The following ERBB4 variants were observed in gnomAD, a reference collection of about 807,000 sequenced individuals.
ERBB4 encodes receptor tyrosine-protein kinase erbB-4.
A neutral mutation model predicts 158.0 loss-of-function variants in ERBB4; 42 were observed. The ratio of observed to expected loss-of-function variants is 0.27; its 90% CI spans 0.21 to 0.34. The LOEUF (loss-of-function observed/expected upper bound fraction) is 0.34, where lower values mean the gene tolerates loss of function less well. Ranked by LOEUF, ERBB4 falls within the 10% of genes least tolerant of loss-of-function variation. The pLI is 1.00. For missense variants in ERBB4, 1,333 were observed against 1,624.1 expected, an observed-to-expected ratio of 0.82 and a Z score of 3.08; for synonymous variants, 583 against 558.7, an observed-to-expected ratio of 1.04 and a Z score of -0.61.
intron 1 of ERBB4, among the ~76,000 whole-genome samples, chr2:212,507,855 T>C (rs1321572412): frequency 3.3e-5 from 5 of 152,186 alleles, no homozygotes; most frequent in Admixed American, 2.0e-4. Flanking sequence ...AGCAGCAGGG[T>C]TTGAAATAAT....
chr2:212,165,968 C>A (rs1421731107), intron 1 of ERBB4, among the ~76,000 whole-genome samples: 1 of 151,926 alleles, frequency 6.6e-6, no homozygotes, highest in East Asian at 1.9e-4. Context: ...TATGTTACAA[C>A]AATATGTACT....
chr2:212,531,851 A>G (rs1389001815), intron 1 of ERBB4, among the ~76,000 whole-genome samples: 5 of 152,190 alleles, frequency 3.3e-5, no homozygotes, highest in Non-Finnish European at 7.3e-5. Flanking sequence ...CCAGGTAAAG[A>G]AATCCTCTTA....
chr2:211,624,082 G>C (rs757541107), intron 17 of ERBB4, 38 bp from the exon 18 acceptor site: 1 of 1,612,974 alleles, frequency 6.2e-7, no homozygotes, highest in Non-Finnish European at 8.5e-7. Context: ...CTTTCAGTCC[G>C]ATAGTCAGTC....
intron 13 of ERBB4, among the ~76,000 whole-genome samples, chr2:211,678,283 T>G (rs1174102417): frequency 8.9e-6 from 1 of 112,064 alleles, no homozygotes; most frequent in African/African-American, 3.8e-5. Context: ...TAAAAGTGAG[T>G]AGAAAAAACA....
intron 4 of ERBB4, among the ~76,000 whole-genome samples, chr2:211,787,273 A>G (rs1018664655): frequency 1.3e-5 from 2 of 152,206 alleles, no homozygotes; most frequent in Non-Finnish European, 2.9e-5. Flanking sequence ...GTAATAATAA[A>G]TGTGGGGATC....
At chr2:212,204,745 A>G (rs2105910954) in intron 1 of ERBB4, among the ~76,000 whole-genome samples, 1 of 152,124 alleles carries the variant, frequency 6.6e-6, no homozygotes, top group East Asian at 1.9e-4. Flanking sequence ...GTCTTCCAGA[A>G]ATAAGATTAA....
chr2:211,561,831 T>C (rs781236418), intron 20 of ERBB4, 72 bp downstream of exon 20: 3 of 1,282,584 alleles, frequency 2.3e-6, no homozygotes, highest in Non-Finnish European at 2.3e-6. Flanking sequence ...ATATTTTCAA[T>C]ATGAAAACTG....
intron 6 of ERBB4, 122 bp from the exon 7 acceptor site, chr2:211,722,656 A>T: frequency 9.3e-7 from 1 of 1,077,074 alleles, no homozygotes; most frequent in Non-Finnish European, 1.4e-6. Flanking sequence ...AAAATTTGAT[A>T]ATTTAAGAGT....
intron 2 of ERBB4, among the ~76,000 whole-genome samples, chr2:212,108,872 T>G (rs1435839897): frequency 6.6e-6 from 1 of 152,194 alleles, no homozygotes; most frequent in East Asian, 1.9e-4. Context: ...ATCTTGTCCC[T>G]CCTTTCCTGA....
chr2:212,330,496 A>C (rs1035937438), intron 1 of ERBB4, among the ~76,000 whole-genome samples: 2 of 152,030 alleles, frequency 1.3e-5, no homozygotes, highest in Admixed American at 1.3e-4. Context: ...GGGTGCTTGT[A>C]GTACCAGTTA....
Position 211,388,117 on chromosome 2 carries a change from C to G in ERBB4, c.3136-125G>C, listed in dbSNP as rs2062726267. ...GAACCAAAGGGGAAAAAGTGCACAA[C>G]AGTGAAGCTTCCTAAGCAGCACAAT... On this transcript the variant is annotated intron_variant, in intron 25 of 27. Coordinates refer to ENST00000342788, the MANE Select transcript of ERBB4 (RefSeq NM_005235.3). The G allele has an allele frequency of 5.3e-6, 4 of 751,974 alleles. No individual in the cohort carries two copies. The Admixed American group carries it at 5.9e-5, about 11-fold the overall frequency. The allele number at this position is 751,974 out of a possible 1,614,324, so 46.6% of individuals were successfully genotyped here.
intron 1 of ERBB4, among the ~76,000 whole-genome samples, chr2:212,170,850 G>T (rs1259808464): frequency 6.6e-6 from 1 of 152,138 alleles, no homozygotes. Flanking sequence ...TGCTTCACAG[G>T]TAGAGACCTC....
chr2:212,381,614 A>C (rs1024592393), intron 1 of ERBB4, among the ~76,000 whole-genome samples: 24 of 151,504 alleles, frequency 1.6e-4, no homozygotes, highest in African/African-American at 5.5e-4. Context: ...CCAAGTAATT[A>C]GTCATGTCTC....
At chr2:211,485,247 T>A (rs2065174469) in intron 20 of ERBB4, among the ~76,000 whole-genome samples, 1 of 151,946 alleles carries the variant, frequency 6.6e-6, no homozygotes, top group Non-Finnish European at 1.5e-5. Flanking sequence ...AGAATCTACC[T>A]TTGCTTCAGG....
chr2:212,494,336 T>C lies in ERBB4; in HGVS notation c.82+44113A>G, dbSNP rs572934297. 3.4e-4 allele frequency among the ~76,000 whole-genome samples: 52 copies of C among 152,114 alleles called. No individual in the cohort carries two copies. The South Asian group carries it at 0.01, about 30-fold the overall frequency. On this transcript the variant is annotated intron_variant, in intron 1 of 27. Coordinates refer to ENST00000342788, the MANE Select transcript of ERBB4 (RefSeq NM_005235.3). Reference sequence around the variant, plus strand: ...TGCTTATATTAAAAAGAGGTAACTTTGAAATGTGCACACAGAAAGACTCCA... The same window carrying C: ...TGCTTATATTAAAAAGAGGTAACTTCGAAATGTGCACACAGAAAGACTCCA...
chr2:212,124,684 G>C, intron 2 of ERBB4, 68 bp downstream of exon 2: 6 of 1,555,666 alleles, frequency 3.9e-6, no homozygotes, highest in Non-Finnish European at 5.3e-6. Context: ...TCAGCACACA[G>C]GTCTGCCTGT....
chr2:211,805,880 A>C (rs1264949917), intron 3 of ERBB4, among the ~76,000 whole-genome samples: 1 of 151,838 alleles, frequency 6.6e-6, no homozygotes, highest in African/African-American at 2.4e-5. Flanking sequence ...CATATCTGAT[A>C]AAATATTTAA....
chr2:211,687,077 C>T (rs1189478664), intron 12 of ERBB4, among the ~76,000 whole-genome samples: 3 of 151,220 alleles, frequency 2.0e-5, no homozygotes, highest in Non-Finnish European at 4.4e-5. Flanking sequence ...GGGTGGATCA[C>T]GAGGTCAGGA....
intron 1 of ERBB4, among the ~76,000 whole-genome samples, chr2:212,290,752 A>G (rs1353761787): frequency 1.3e-5 from 2 of 152,156 alleles, no homozygotes; most frequent in African/African-American, 4.8e-5. Context: ...AAGTTAAAAA[A>G]GAAAATATGT....
Sources: allele counts gnomAD v4.1 joint callset (sites outside exome capture counted in the v4.1 genomes callset), GRCh38; gene constraint gnomAD v4.1.1; transcripts MANE v1.5; gene names NCBI Gene and HGNC (gene_info 2026-07-23, HGNC 2026-07-21).